The following MPPED2 variants were observed in gnomAD, a reference collection of about 807,000 sequenced individuals.
MPPED2 encodes metallophosphoesterase MPPED2.
Under a neutral mutation model 33.0 loss-of-function variants are expected in MPPED2, and 5 were observed. That is an observed-to-expected ratio of 0.15 (90% CI 0.08 to 0.32). The LOEUF is 0.32. Among genes scored for constraint, MPPED2 ranks in the 10% least tolerant of loss-of-function variants. MPPED2 has a pLI of 1.00. For missense variants in MPPED2, 275 were observed against 372.1 expected, an observed-to-expected ratio of 0.74 and a Z score of 2.15; for synonymous variants, 136 against 141.9, an observed-to-expected ratio of 0.96 and a Z score of 0.29.
intron 6 of MPPED2, among the ~76,000 whole-genome samples, chr11:30,391,606 A>C (rs1411921604): frequency 6.6e-6 from 1 of 152,174 alleles, no homozygotes; most frequent in Non-Finnish European, 1.5e-5. Context: ...TAAATGTTTA[A>C]TCATATGTGT....
chr11:30,507,865 C>T (rs935311644), intron 3 of MPPED2, among the ~76,000 whole-genome samples: 84 of 152,236 alleles, frequency 5.5e-4, no homozygotes, highest in African/African-American at 1.8e-3. Context: ...GTAAAAAGTA[C>T]GTAGTATAAT....
rs141869375 is a variant in MPPED2, at chr11:30,438,205, T to A, written c.537-20572A>T. Among the ~76,000 whole-genome samples, 4 of 152,276 alleles carry A rather than the reference T, an allele frequency of 2.6e-5. No homozygotes were observed. In the East Asian group the frequency reaches 7.7e-4, roughly 29 times the overall value. On this transcript the variant is annotated intron_variant, in intron 4 of 6. Coordinates refer to ENST00000358117, the MANE Select transcript of MPPED2 (RefSeq NM_001584.3). Reference sequence around the variant, plus strand: ...ACTCTTTTTCTCAAGGAGTTCATGATCCAGTAAAGGAGAGAGACTTGAGAA... The same window carrying A: ...ACTCTTTTTCTCAAGGAGTTCATGAACCAGTAAAGGAGAGAGACTTGAGAA...
chr11:30,579,188 G>T (rs1957057102), intron 2 of MPPED2, among the ~76,000 whole-genome samples: 1 of 150,952 alleles, frequency 6.6e-6, no homozygotes, highest in South Asian at 2.1e-4. Flanking sequence ...AAATTCCAGG[G>T]TGGGGGGGTG....
At chr11:30,497,928 C>T (rs569460467) in intron 3 of MPPED2, among the ~76,000 whole-genome samples, 2 of 152,194 alleles carry the variant, frequency 1.3e-5, no homozygotes, top group South Asian at 4.2e-4. Context: ...CCTCTGTTAC[C>T]GATGTTATGA....
intron 4 of MPPED2, among the ~76,000 whole-genome samples, chr11:30,447,516 A>G (rs943268523): frequency 1.3e-5 from 2 of 152,188 alleles, no homozygotes; most frequent in East Asian, 3.8e-4. Flanking sequence ...TGCTGAGACC[A>G]GTTGTAATAG....
chr11:30,385,329 T>G (rs1947690233), exon 7 of MPPED2: 1 of 152,230 alleles, frequency 6.6e-6, no homozygotes, highest in African/African-American at 2.4e-5. Flanking sequence ...GAACTTGTCC[T>G]GAACACATGC....
chr11:30,457,496 CA>C (rs1406489870), intron 4 of MPPED2, among the ~76,000 whole-genome samples: 2 of 151,936 alleles, frequency 1.3e-5, no homozygotes, highest in Non-Finnish European at 2.9e-5. Flanking sequence ...CCCAAGTTTG[CA>C]AAGTTTCAAA....
intron 3 of MPPED2, among the ~76,000 whole-genome samples, chr11:30,498,249 A>G (rs375581991): frequency 1.3e-4 from 20 of 151,476 alleles, no homozygotes; most frequent in African/African-American, 4.9e-4. Context: ...GGCCATATAT[A>G]TACTCTAACA....
intron 3 of MPPED2, among the ~76,000 whole-genome samples, chr11:30,521,491 C>G (rs1953875166): frequency 6.6e-6 from 1 of 152,134 alleles, no homozygotes; most frequent in African/African-American, 2.4e-5. Context: ...GTACCACAAG[C>G]CAGGTTATCA....
At chr11:30,515,521 G>A (rs117027799) in intron 3 of MPPED2, among the ~76,000 whole-genome samples, 1 of 152,244 alleles carries the variant, frequency 6.6e-6, no homozygotes, top group East Asian at 1.9e-4. Flanking sequence ...CCCAAGATTT[G>A]GGGGACATAA....
At chr11:30,407,443 C>T (rs1055852443), downstream of MPPED2, among the ~76,000 whole-genome samples, 6 of 152,284 alleles carry the variant, frequency 3.9e-5, no homozygotes, top group East Asian at 1.9e-4. Flanking sequence ...CTCCCTTATC[C>T]GCCTCCCACT....
At chr11:30,568,176 A>G (rs1051998713) in intron 2 of MPPED2, among the ~76,000 whole-genome samples, 2 of 152,158 alleles carry the variant, frequency 1.3e-5, no homozygotes, top group African/African-American at 4.8e-5. Flanking sequence ...CCTCACCATT[A>G]CTTTTTGAAG....
intron 4 of MPPED2, among the ~76,000 whole-genome samples, chr11:30,454,686 G>T (rs981486034): frequency 6.6e-6 from 1 of 152,100 alleles, no homozygotes; most frequent in Non-Finnish European, 1.5e-5. Context: ...TGAATAGAAT[G>T]GTGTGTGAAT....
chr11:30,515,753 C>T (rs1009048091), intron 3 of MPPED2, among the ~76,000 whole-genome samples: 50 of 152,184 alleles, frequency 3.3e-4, no homozygotes, highest in African/African-American at 1.1e-3. Flanking sequence ...CTTACTAATG[C>T]ACTACCCCCA....
chr11:30,456,033 A>C (rs748689657), intron 4 of MPPED2, among the ~76,000 whole-genome samples: 2 of 152,246 alleles, frequency 1.3e-5, no homozygotes, highest in East Asian at 3.8e-4. Flanking sequence ...ATACTTTCTA[A>C]GAATTTCACT....
chr11:30,583,452 A>C lies in MPPED2; in HGVS notation c.-122+2590T>G, dbSNP rs1348392231. On this transcript the variant is annotated intron_variant, in intron 1 of 6. Transcript: ENST00000358117. ...ACAAAACAAAGGAACCCAGGACGAA[A>C]TATCAAGAAGCCGAAAGAAAAATCT... is the stretch of plus-strand genomic sequence containing the variant. 2.0e-5 allele frequency among the ~76,000 whole-genome samples: 3 copies of C among 152,140 alleles called. No individual in the cohort carries two copies. In the East Asian group the frequency reaches 5.8e-4, roughly 29 times the overall value.
At chr11:30,387,775 C>G (rs1947720526) in exon 7 of MPPED2, 1 of 152,712 alleles carries the variant, frequency 6.5e-6, no homozygotes, top group South Asian at 2.1e-4. Context: ...TGGTCCCCCC[C>G]TCTCTCCAGG....
intron 4 of MPPED2, among the ~76,000 whole-genome samples, chr11:30,467,141 AC>A (rs1565096384): frequency 6.6e-6 from 1 of 152,090 alleles, no homozygotes; most frequent in Non-Finnish European, 1.5e-5. Context: ...AAAACACCCC[AC>A]CCCCACACTT....
chr11:30,464,547 A>C (rs1207599496), intron 4 of MPPED2, among the ~76,000 whole-genome samples: 1 of 152,122 alleles, frequency 6.6e-6, no homozygotes, highest in South Asian at 2.1e-4. Context: ...CAGGCTTTTC[A>C]CTTCTTCAAA....
Sources: allele counts gnomAD v4.1 joint callset (sites outside exome capture counted in the v4.1 genomes callset), GRCh38; gene constraint gnomAD v4.1.1; transcripts MANE v1.5; gene names NCBI Gene and HGNC (gene_info 2026-07-23, HGNC 2026-07-21).